Variants in PHF21B observed in about 807,000 individuals in gnomAD.
The protein encoded by PHF21B is PHD finger protein 4.
A neutral mutation model predicts 62.2 loss-of-function variants in PHF21B; 22 were observed. The observed-to-expected ratio is 0.35, with a 90% CI of 0.25 to 0.51. The LOEUF is 0.51. Ranked by LOEUF, PHF21B falls within the 20% of genes least tolerant of loss-of-function variation. The probability of loss-of-function intolerance (pLI) is 0.97; values close to 1 mark genes in which losing one functional copy is unlikely to be tolerated. For missense variants in PHF21B, 701 were observed against 707.9 expected (o/e 0.99, Z 0.11); for synonymous variants, 341 against 314.7 (o/e 1.08, Z -0.88).
intron 12 of PHF21B, 45 bp from the exon 13 acceptor site, chr22:44,883,349 T>C (rs371606707): frequency 5.8e-5 from 92 of 1,577,702 alleles, no homozygotes; most frequent in Non-Finnish European, 7.3e-5. Context: ...TATTCGGCTC[T>C]ACAGCCATCC....
intron 2 of PHF21B, chr22:45,002,824 G>A (rs547836314): frequency 2.6e-5 from 4 of 152,414 alleles, no homozygotes; most frequent in East Asian, 3.9e-4. Context: ...TCTCCTCCTC[G>A]TTCATGGTTT....
At chr22:44,890,329 G>A (rs1345275947) in intron 8 of PHF21B, among the ~76,000 whole-genome samples, 1 of 152,194 alleles carries the variant, frequency 6.6e-6, no homozygotes, top group African/African-American at 2.4e-5. Context: ...TCTCATTCTA[G>A]TAAATGATAC....
chr22:44,950,854 G>A (rs576989055), intron 2 of PHF21B, among the ~76,000 whole-genome samples: 3 of 152,166 alleles, frequency 2.0e-5, no homozygotes, highest in South Asian at 2.1e-4. Context: ...CTCCAGAGAC[G>A]CTTGATTTTT....
chr22:44,961,409 C>T lies in PHF21B; in HGVS notation c.121-40919G>A, dbSNP rs889067980. Among the ~76,000 whole-genome samples the T allele has an allele frequency of 5.9e-5, 9 of 152,250 alleles. 1 individual carries two copies. On this transcript the variant is annotated intron_variant, in intron 2 of 12. Transcript: ENST00000313237. ...CCAACAGGTTTTCAACCCTCGCTCC[C>T]CTCCTTCCCTCTCTGCTCTAGGAGT...
intron 2 of PHF21B, among the ~76,000 whole-genome samples, chr22:44,966,538 T>C (rs1325876461): frequency 6.6e-6 from 1 of 152,028 alleles, no homozygotes; most frequent in Non-Finnish European, 1.5e-5. Flanking sequence ...AGGGAGTCCC[T>C]GGGCAGGCAG....
At chr22:44,984,418 G>T (rs963571820) in intron 2 of PHF21B, among the ~76,000 whole-genome samples, 1 of 152,100 alleles carries the variant, frequency 6.6e-6, no homozygotes, top group Non-Finnish European at 1.5e-5. Context: ...AAACTTCAGG[G>T]GATCCCGAAT....
At chr22:44,905,224 G>A (rs560111517) in intron 5 of PHF21B, among the ~76,000 whole-genome samples, 1 of 152,190 alleles carries the variant, frequency 6.6e-6, no homozygotes, top group African/African-American at 2.4e-5. Context: ...GTCCCTGCCT[G>A]CTCCTATTTT....
intron 2 of PHF21B, chr22:45,000,794 G>T (rs1204239429): frequency 6.6e-6 from 1 of 152,140 alleles, no homozygotes; most frequent in Non-Finnish European, 1.5e-5. Flanking sequence ...CAAGACAAAA[G>T]TGCCCAGGTC....
In PHF21B at chr22:44,904,678, G is replaced by C. The variant is rs969002714; in HGVS notation, c.832-8595C>G. Among the ~76,000 whole-genome samples the C allele has an allele frequency of 2.4e-4, 33 of 134,798 alleles. 6 individuals carry two copies. Among genetic ancestry groups the C allele is most frequent in the African/African-American group, 9.2e-4 (33 of 35,956 alleles). 88.4% of individuals were successfully genotyped at this position (134,798 alleles called of 152,430 possible). On this transcript the variant is annotated intron_variant, in intron 5 of 12. Coordinates refer to ENST00000313237, the MANE Select transcript of PHF21B (RefSeq NM_138415.5). Reference sequence around the variant, plus strand: ...GTCAGAGGCAGCAGAGGTCAGGGCTGGGCAGCAAGCCAATGGTGCAATGAG... The same window carrying C: ...GTCAGAGGCAGCAGAGGTCAGGGCTCGGCAGCAAGCCAATGGTGCAATGAG...
chr22:44,989,408 A>C (rs76146447), intron 2 of PHF21B: 12,753 of 152,186 alleles, frequency 0.084, 597 homozygotes, highest in South Asian at 0.12. Flanking sequence ...TAAACCCATG[A>C]AACGTGAATC....
At chr22:44,925,498 G>C (rs559423836) in intron 2 of PHF21B, among the ~76,000 whole-genome samples, 3 of 152,134 alleles carry the variant, frequency 2.0e-5, no homozygotes, top group African/African-American at 7.2e-5. Flanking sequence ...ACTCTGAGAG[G>C]CTCATGTCCT....
intron 5 of PHF21B, among the ~76,000 whole-genome samples, chr22:44,897,308 G>A (rs959558424): frequency 6.6e-6 from 1 of 152,164 alleles, no homozygotes; most frequent in Admixed American, 6.5e-5. Context: ...CTACCCTGCG[G>A]TGTAGCCACC....
chr22:44,930,976 C>A (rs970062624), intron 2 of PHF21B, among the ~76,000 whole-genome samples: 1 of 152,234 alleles, frequency 6.6e-6, no homozygotes, highest in Non-Finnish European at 1.5e-5. Flanking sequence ...AGGTGAGCTA[C>A]GCCCAGGGGA....
At chr22:45,004,143 T>C (rs1053064845) in intron 2 of PHF21B, among the ~76,000 whole-genome samples, 9 of 152,124 alleles carry the variant, frequency 5.9e-5, no homozygotes, top group Non-Finnish European at 1.2e-4. Context: ...ACAAAAATAT[T>C]CTAAAATGGA....
chr22:44,940,263 C>T (rs758385953), intron 2 of PHF21B, among the ~76,000 whole-genome samples: 2 of 152,226 alleles, frequency 1.3e-5, no homozygotes, highest in Non-Finnish European at 2.9e-5. Context: ...TTAATTATTC[C>T]CACATTCCTA....
At chr22:44,968,078 G>A (rs377327047) in intron 2 of PHF21B, among the ~76,000 whole-genome samples, 9 of 152,248 alleles carry the variant, frequency 5.9e-5, no homozygotes, top group South Asian at 2.1e-4. Context: ...ACTGTCAGGC[G>A]TCTTCAGAGC....
chr22:44,990,023 G>A (rs2073018154), intron 2 of PHF21B, among the ~76,000 whole-genome samples: 1 of 152,230 alleles, frequency 6.6e-6, no homozygotes, highest in South Asian at 2.1e-4. Flanking sequence ...GGGGCCAACG[G>A]GCTCCGTGAA....
At chr22:44,994,247 C>T (rs887342588) in intron 2 of PHF21B, among the ~76,000 whole-genome samples, 1 of 152,230 alleles carries the variant, frequency 6.6e-6, no homozygotes, top group Non-Finnish European at 1.5e-5. Context: ...GAAATAGGGT[C>T]ATTACAGATG....
At chr22:44,921,882 C>T (rs1215463430) in intron 2 of PHF21B, among the ~76,000 whole-genome samples, 1 of 152,066 alleles carries the variant, frequency 6.6e-6, no homozygotes, top group Non-Finnish European at 1.5e-5. Context: ...TGGTCTCAAA[C>T]TCCTAACCTC....
Sources: gnomAD v4.1 joint callset for allele counts (sites outside exome capture counted in the v4.1 genomes callset) on GRCh38, gnomAD v4.1.1 for gene constraint, MANE v1.5 for transcripts, NCBI Gene and HGNC (gene_info 2026-07-23, HGNC 2026-07-21) for gene names.